Variants in WWOX observed in about 807,000 individuals in gnomAD.
WWOX encodes WW domain-containing oxidoreductase.
In WWOX, 69 loss-of-function variants were observed where a neutral mutation model predicts 46.2. The ratio of observed to expected loss-of-function variants is 1.49; its 90% CI spans 1.23 to 1.82. WWOX has a LOEUF of 1.82. WWOX is among the 40% of genes most tolerant of loss of function. The pLI is 0.00. For synonymous variants in WWOX, 359 were observed against 202.6 expected, an observed-to-expected ratio of 1.77 and a Z score of -6.56; for missense variants, 919 against 542.6, an observed-to-expected ratio of 1.69 and a Z score of -6.89.
chr16:79,076,549 T>A (rs766261599), intron 8 of WWOX, among the ~76,000 whole-genome samples: 2 of 152,188 alleles, frequency 1.3e-5, no homozygotes, highest in African/African-American at 2.4e-5. Flanking sequence ...CTAAGCTAAC[T>A]CTCCGATGAG....
intron 8 of WWOX, among the ~76,000 whole-genome samples, chr16:78,554,679 A>G (rs1294851580): frequency 6.6e-6 from 1 of 152,114 alleles, no homozygotes; most frequent in Non-Finnish European, 1.5e-5. Context: ...AAAATGCTGC[A>G]GTTGAATAGG....
At chr16:78,257,594 C>T (rs2038166677) in intron 5 of WWOX, among the ~76,000 whole-genome samples, 1 of 152,174 alleles carries the variant, frequency 6.6e-6, no homozygotes, top group African/African-American at 2.4e-5. Context: ...TCATTCCCCA[C>T]TGCAACCACG....
intron 8 of WWOX, among the ~76,000 whole-genome samples, chr16:78,483,571 A>G (rs1274084476): frequency 6.6e-6 from 1 of 152,080 alleles, no homozygotes; most frequent in Non-Finnish European, 1.5e-5. Flanking sequence ...TGCTGTACGC[A>G]GACTCGGAAA....
intron 8 of WWOX, among the ~76,000 whole-genome samples, chr16:78,902,315 C>T (rs1317588751): frequency 6.6e-6 from 1 of 152,172 alleles, no homozygotes; most frequent in South Asian, 2.1e-4. Flanking sequence ...ATTGATATTA[C>T]AGGAATGAAA....
chr16:78,838,942 A>G (rs1597701122), intron 8 of WWOX, among the ~76,000 whole-genome samples: 1 of 152,146 alleles, frequency 6.6e-6, no homozygotes, highest in South Asian at 2.1e-4. Flanking sequence ...TGGATTTAAA[A>G]CAGCAACTGG....
At chr16:78,509,924 TAAAA>T (rs59162697) in intron 8 of WWOX, among the ~76,000 whole-genome samples, 11 of 142,568 alleles carry the variant, frequency 7.7e-5, no homozygotes, top group Non-Finnish European at 9.1e-5. Context: ...CTCATCTCTT[TAAAA>T]AAAAAAAAAA....
At chr16:78,907,549 A>C (rs2044998265) in intron 8 of WWOX, among the ~76,000 whole-genome samples, 1 of 152,306 alleles carries the variant, frequency 6.6e-6, no homozygotes, top group African/African-American at 2.4e-5. Context: ...CCCCAAAGTT[A>C]GCTTGGCCCA....
At chr16:78,620,203 A>G (rs907771127) in intron 8 of WWOX, among the ~76,000 whole-genome samples, 2 of 152,236 alleles carry the variant, frequency 1.3e-5, no homozygotes, top group African/African-American at 2.4e-5. Context: ...AAATCTAAGG[A>G]ACTGGCTTAA....
intron 8 of WWOX, among the ~76,000 whole-genome samples, chr16:78,744,852 A>T (rs1000096270): frequency 2.6e-5 from 4 of 152,298 alleles, no homozygotes; most frequent in Admixed American, 2.6e-4. Flanking sequence ...ACTTCACTAA[A>T]GTCATTGGGT....
In WWOX at chr16:78,962,412, G is replaced by A. The variant is rs1022842131; in HGVS notation, c.1057-249196G>A. ...TGGACAAGGGCTAGGAGGCTGAGGA[G>A]TTTTACACATTCATAATTTCCTTGT... On this transcript the variant is annotated intron_variant, in intron 8 of 8. Transcript: ENST00000566780. Among the ~76,000 whole-genome samples, 4 of 143,044 alleles carry A rather than the reference G, an allele frequency of 2.8e-5. No homozygotes were observed. In the East Asian group the frequency reaches 8.7e-4, roughly 31 times the overall value. The allele number at this position is 143,044 out of a possible 152,430, so 93.8% of individuals were successfully genotyped here.
intron 5 of WWOX, chr16:78,168,085 A>T (rs899748334): frequency 1.3e-5 from 2 of 152,310 alleles, no homozygotes; most frequent in African/African-American, 4.8e-5. Context: ...AAATGATCCA[A>T]AGTTTTTTGT....
chr16:78,882,602 AGTAG>A (rs1178384968), intron 8 of WWOX, among the ~76,000 whole-genome samples: 2 of 32,784 alleles, frequency 6.1e-5, no homozygotes, highest in East Asian at 4.6e-4. Context: ...TCGCCTCCCG[AGTAG>A]CCTCCCGAGT....
chr16:78,969,808 A>G (rs1192460508), intron 8 of WWOX, among the ~76,000 whole-genome samples: 1 of 152,210 alleles, frequency 6.6e-6, no homozygotes, highest in Admixed American at 6.5e-5. Context: ...AAATCTGCAG[A>G]AACAGAAAGT....
Position 78,099,751 on chromosome 16 carries a change from G to C in WWOX, c.-28G>C, listed in dbSNP as rs746332763. The C allele has an allele frequency of 2.8e-5, 42 of 1,522,598 alleles. No individual in the cohort carries two copies. Among genetic ancestry groups the C allele is most frequent in the Admixed American group, 4.4e-5 (2 of 45,544 alleles). 94.3% of individuals were successfully genotyped at this position (1,522,598 alleles called of 1,614,324 possible). ...CGAGTGGACCCGGCAGCGGGCGATA[G>C]GGGGGCCAGGTGCCTCCACAGTCAG... On this transcript the variant is annotated 5_prime_UTR_variant, in exon 1 of 9. Coordinates refer to ENST00000566780, the MANE Select transcript of WWOX (RefSeq NM_016373.4).
intron 8 of WWOX, among the ~76,000 whole-genome samples, chr16:79,171,741 C>A (rs748953787): frequency 6.6e-6 from 1 of 152,026 alleles, no homozygotes; most frequent in Non-Finnish European, 1.5e-5. Flanking sequence ...GAAAGCACTT[C>A]GCTATGGAAA....
chr16:78,370,428 C>G (rs768616908), intron 5 of WWOX, among the ~76,000 whole-genome samples: 1 of 151,816 alleles, frequency 6.6e-6, no homozygotes, highest in Admixed American at 6.6e-5. Context: ...TTCAAAATAC[C>G]GTTTACATTG....
intron 8 of WWOX, among the ~76,000 whole-genome samples, chr16:78,916,892 A>G (rs565290382): frequency 6.6e-6 from 1 of 152,300 alleles, no homozygotes; most frequent in Non-Finnish European, 1.5e-5. Flanking sequence ...AATTAACTGA[A>G]AGATATAGGT....
At chr16:79,104,704 G>A (rs773355951) in intron 8 of WWOX, among the ~76,000 whole-genome samples, 5 of 152,164 alleles carry the variant, frequency 3.3e-5, no homozygotes, top group Non-Finnish European at 7.4e-5. Flanking sequence ...CTGTTGATCA[G>A]TGAACACAAA....
At chr16:78,360,375 C>T (rs1428132845) in intron 5 of WWOX, among the ~76,000 whole-genome samples, 1 of 151,986 alleles carries the variant, frequency 6.6e-6, no homozygotes, top group East Asian at 1.9e-4. Flanking sequence ...CCCTTGAGGC[C>T]AGGAGTTCAA....
Sources: allele counts gnomAD v4.1 joint callset (sites outside exome capture counted in the v4.1 genomes callset), GRCh38; gene constraint gnomAD v4.1.1; transcripts MANE v1.5; gene names NCBI Gene and HGNC (gene_info 2026-07-23, HGNC 2026-07-21).